CABIN1: variants seen among roughly 807,000 people sequenced by gnomAD.
The protein encoded by CABIN1 is calcineurin-binding protein cabin-1.
Under a neutral mutation model 227.7 loss-of-function variants are expected in CABIN1, and 133 were observed. The ratio of observed to expected loss-of-function variants is 0.58; its 90% confidence interval spans 0.51 to 0.67. The LOEUF is 0.67. CABIN1 is among the 30% of genes least tolerant of loss of function. The pLI, the probability that CABIN1 is intolerant of heterozygous loss-of-function variation, is 0.00. For synonymous variants in CABIN1, 1,086 were observed against 1,155.1 expected (o/e 0.94, Z 1.21); for missense variants, 2,408 against 2,852.5 (o/e 0.84, Z 3.55).
chr22:24,156,775 G>C (rs1011277885), intron 29 of CABIN1, among the ~76,000 whole-genome samples: 1 of 152,142 alleles, frequency 6.6e-6, no homozygotes, highest in Admixed American at 6.5e-5. Flanking sequence ...GGGATGGGGG[G>C]TGGGCACATA....
chr22:24,072,146 G>C (rs933424938), intron 17 of CABIN1, among the ~76,000 whole-genome samples: 11 of 152,216 alleles, frequency 7.2e-5, no homozygotes, highest in African/African-American at 1.9e-4. Flanking sequence ...GTGGCATGAA[G>C]GAGAGTAGTG....
At position 24,168,431 on chromosome 22, in the gene CABIN1, G is replaced by A; in HGVS notation, c.5683-16G>A. 6.4e-7 allele frequency: 1 copy of A among 1,564,900 alleles called. No individual in the cohort carries two copies. The highest frequency in any genetic ancestry group is 8.7e-7 in the Non-Finnish European group (1 of 1,154,780). On this transcript the variant is annotated splice_polypyrimidine_tract_variant and intron_variant, in intron 32 of 36. Coordinates refer to ENST00000263119, the MANE Select transcript of CABIN1 (RefSeq NM_012295.4). The stretch of plus-strand genomic sequence containing the variant: ...AATGGCCTGCGCCCCCTGACTTCCA[G>A]CATCTCCCTGTTAAGGTGGATGAGG...
At chr22:24,066,275 C>G (rs1490824794) in intron 15 of CABIN1, among the ~76,000 whole-genome samples, 1 of 152,178 alleles carries the variant, frequency 6.6e-6, no homozygotes, top group Non-Finnish European at 1.5e-5. Flanking sequence ...CTCACCAGCA[C>G]TATTTAGAAG....
At chr22:24,145,763 C>G (rs1476360682) in intron 29 of CABIN1, among the ~76,000 whole-genome samples, 1 of 152,030 alleles carries the variant, frequency 6.6e-6, no homozygotes, top group Non-Finnish European at 1.5e-5. Flanking sequence ...AGTAGAGATG[C>G]CACTCAAGGC....
chr22:24,166,613 G>C (rs1223545203), intron 31 of CABIN1, 26 bp from the exon 32 acceptor site: 2 of 1,612,598 alleles, frequency 1.2e-6, no homozygotes, highest in East Asian at 4.5e-5. Flanking sequence ...CAGCGACACA[G>C]CTTCTTACCT....
intron 23 of CABIN1, among the ~76,000 whole-genome samples, chr22:24,090,196 T>C (rs1278093117): frequency 1.3e-5 from 2 of 152,132 alleles, no homozygotes; most frequent in African/African-American, 4.8e-5. Context: ...TTCCCAAGGG[T>C]CTGCATGGTA....
chr22:24,011,464 C>T (rs541427443), intron 1 of CABIN1, 97 bp downstream of exon 1: 5 of 152,512 alleles, frequency 3.3e-5, no homozygotes, highest in Admixed American at 2.0e-4. Flanking sequence ...AGGCGCGAGG[C>T]TGGGTTACGT....
intron 31 of CABIN1, among the ~76,000 whole-genome samples, chr22:24,166,017 A>T (rs1388783798): frequency 6.6e-6 from 1 of 152,162 alleles, no homozygotes; most frequent in Non-Finnish European, 1.5e-5. Flanking sequence ...TCCTTCTCAC[A>T]GCTGAGCACC....
chr22:24,158,718 C>T (rs1236326609), intron 29 of CABIN1, among the ~76,000 whole-genome samples: 2 of 152,148 alleles, frequency 1.3e-5, no homozygotes, highest in African/African-American at 4.8e-5. Context: ...CCCCCCACAT[C>T]CCTTGCTCTC....
chr22:24,051,000 T>C (rs2038288777), intron 8 of CABIN1, 26 bp downstream of exon 8: 1 of 1,613,692 alleles, frequency 6.2e-7, no homozygotes, highest in Non-Finnish European at 8.5e-7. Flanking sequence ...TCTCTGGGAG[T>C]GCTGGGTCGG....
intron 29 of CABIN1, among the ~76,000 whole-genome samples, chr22:24,157,457 G>A (rs1276858525): frequency 6.6e-6 from 1 of 152,164 alleles, no homozygotes; most frequent in African/African-American, 2.4e-5. Flanking sequence ...GGGACAAGCC[G>A]GGTAGAGTGC....
intron 1 of CABIN1, among the ~76,000 whole-genome samples, chr22:24,030,534 C>T (rs2036422584): frequency 6.6e-6 from 1 of 152,208 alleles, no homozygotes; most frequent in African/African-American, 2.4e-5. Context: ...TTAAAGCCAG[C>T]ACAGGTGCCC....
At chr22:24,131,836 C>T (rs542156052) in intron 28 of CABIN1, among the ~76,000 whole-genome samples, 3 of 152,210 alleles carry the variant, frequency 2.0e-5, no homozygotes, top group Admixed American at 6.5e-5. Flanking sequence ...GAGGCCAAGG[C>T]GGGCAGATCA....
chr22:24,032,860 T>G (rs933978512), intron 1 of CABIN1, among the ~76,000 whole-genome samples: 1 of 152,156 alleles, frequency 6.6e-6, no homozygotes, highest in Admixed American at 6.5e-5. Flanking sequence ...GTGGATCACC[T>G]GAGGTCAGGA....
At chr22:24,073,919 C>T (rs1355136587) in intron 18 of CABIN1, among the ~76,000 whole-genome samples, 1 of 152,152 alleles carries the variant, frequency 6.6e-6, no homozygotes, top group East Asian at 1.9e-4. Flanking sequence ...CACTATTGAA[C>T]CATCCCCGCT....
chr22:24,085,045 G>A lies in CABIN1; in HGVS notation c.3157G>A (p.Val1053Met). The A allele has an allele frequency of 6.2e-7, 1 of 1,614,198 alleles. No individual in the cohort carries two copies. Among genetic ancestry groups the A allele is most frequent in the Non-Finnish European group, 8.5e-7 (1 of 1,180,036 alleles). ...AGAGGGGGCTGACCCCTCCCCTCCA[G>A]TGGTGAACGAGCTTTACTACCTCCT... ...LPEGADPSPP[V>M]VNELYYLLAD... Residue 1053 changes from valine to methionine, a missense_variant, in exon 22 of 37, where the codon GTG becomes ATG. Physicochemically the swap from Val to Met is conservative, Grantham distance 21. Around this residue, in one of 3 missense-constraint regions of CABIN1, gnomAD observed 649 missense variants for 910.3 expected, o/e 0.71. Coordinates refer to ENST00000263119, the MANE Select transcript of CABIN1 (RefSeq NM_012295.4).
In CABIN1 at chr22:24,073,793, A is replaced by G. The variant is rs542637754; in HGVS notation, c.2632+1283A>G. Among the ~76,000 whole-genome samples the G allele has an allele frequency of 6.1e-4, 93 of 152,292 alleles. 1 individual carries two copies. In the South Asian group the frequency reaches 0.019, roughly 31 times the overall value. On this transcript the variant is annotated intron_variant, in intron 18 of 36. Transcript: ENST00000263119. ...TTAAGTCAGGCAGGAGACCTGGGGC[A>G]TGGGGATTGGATATGGGAAGAGGGG... is the stretch of plus-strand genomic sequence containing the variant.
chr22:24,014,590 G>A (rs1359898342), intron 1 of CABIN1, among the ~76,000 whole-genome samples: 1 of 152,096 alleles, frequency 6.6e-6, no homozygotes, highest in African/African-American at 2.4e-5. Context: ...TCTTCCTCAT[G>A]CCTTTCAGAG....
rs1000626658 is a variant in CABIN1 at position 24,067,288 on chromosome 22, A to G, written c.2232+107A>G. The G allele has an allele frequency of 6.4e-5, 75 of 1,175,416 alleles. No homozygotes were observed. In the Admixed American group the frequency reaches 1.4e-3, roughly 23 times the overall value. The allele number at this position is 1,175,416 out of a possible 1,614,324, so 72.8% of individuals were successfully genotyped here. On this transcript the variant is annotated intron_variant, in intron 16 of 36. Coordinates refer to ENST00000263119, the MANE Select transcript of CABIN1 (RefSeq NM_012295.4). Reference sequence around the variant, plus strand: ...TAGTTCTTAAGAATGTATAGCTAGAAGAGAGTGGATGTCAAAACCACTAAG... The same window carrying G: ...TAGTTCTTAAGAATGTATAGCTAGAGGAGAGTGGATGTCAAAACCACTAAG...
Sources: allele counts gnomAD v4.1 joint callset (sites outside exome capture counted in the v4.1 genomes callset), GRCh38; gene constraint gnomAD v4.1.1; regional missense constraint gnomAD v4.1.1; transcripts MANE v1.5; gene names NCBI Gene and HGNC (gene_info 2026-07-23, HGNC 2026-07-21).